The following RSRC1 variants were observed in gnomAD, a reference collection of about 807,000 sequenced individuals.
RSRC1 encodes the protein serine/Arginine-related protein 53.
RSRC1 carries 39 observed loss-of-function variants against 49.1 expected under a neutral mutation model. The ratio of observed to expected loss-of-function variants is 0.79; its 90% confidence interval spans 0.61 to 1.04. The LOEUF (loss-of-function observed/expected upper bound fraction) is 1.04, where lower values mean the gene tolerates loss of function less well. RSRC1 is among the 50% of genes least tolerant of loss of function. The pLI, the probability that RSRC1 is intolerant of heterozygous loss-of-function variation, is 0.00. For synonymous variants in RSRC1, 143 were observed against 130.8 expected (o/e 1.09, Z -0.63); for missense variants, 388 against 402.4 (o/e 0.96, Z 0.31).
intron 6 of RSRC1, among the ~76,000 whole-genome samples, chr3:158,395,083 G>T (rs1733534372): frequency 6.6e-6 from 1 of 152,084 alleles, no homozygotes; most frequent in Non-Finnish European, 1.5e-5. Context: ...AATGGGGAAA[G>T]GACTCCCTGT....
At chr3:158,184,186 G>T (rs1292376608) in intron 3 of RSRC1, among the ~76,000 whole-genome samples, 1 of 151,692 alleles carries the variant, frequency 6.6e-6, no homozygotes, top group East Asian at 1.9e-4. Flanking sequence ...TTCATTACTA[G>T]GTTGCCTTTG....
At chr3:158,268,882 T>C (rs927318296) in intron 4 of RSRC1, among the ~76,000 whole-genome samples, 3 of 152,200 alleles carry the variant, frequency 2.0e-5, no homozygotes, top group Non-Finnish European at 4.4e-5. Flanking sequence ...TTGAACACTT[T>C]TGTTAATCAT....
At chr3:158,383,131 G>A (rs1037491997) in intron 6 of RSRC1, among the ~76,000 whole-genome samples, 61 of 152,134 alleles carry the variant, frequency 4.0e-4, no homozygotes, top group Non-Finnish European at 7.4e-4. Context: ...AAAACTGCAG[G>A]AGTCTAGTGA....
intron 4 of RSRC1, chr3:158,275,757 A>C (rs1337676832): frequency 2.2e-6 from 1 of 456,954 alleles, no homozygotes; most frequent in Non-Finnish European, 3.5e-6. Flanking sequence ...GTAAGCAGAC[A>C]TGACTGCCCT....
chr3:158,353,901 A>G (rs1420518904), intron 5 of RSRC1, among the ~76,000 whole-genome samples: 2 of 152,040 alleles, frequency 1.3e-5, no homozygotes, highest in African/African-American at 2.4e-5. Context: ...TAGTCTTGAC[A>G]TAATTCATGA....
intron 7 of RSRC1, among the ~76,000 whole-genome samples, chr3:158,531,711 C>G (rs1712412067): frequency 6.6e-6 from 1 of 151,730 alleles, no homozygotes; most frequent in African/African-American, 2.4e-5. Context: ...CTCGAACAAC[C>G]TCAAAATGTT....
At chr3:158,298,100 A>T (rs1311684416) in intron 5 of RSRC1, 25 bp downstream of exon 5, 1 of 1,554,136 alleles carries the variant, frequency 6.4e-7, no homozygotes, top group Non-Finnish European at 8.9e-7. Context: ...TCTCTTGAAC[A>T]TTTGCATCAT....
At chr3:158,294,752 A>G (rs1054091476) in intron 4 of RSRC1, among the ~76,000 whole-genome samples, 1 of 152,194 alleles carries the variant, frequency 6.6e-6, no homozygotes, top group Non-Finnish European at 1.5e-5. Context: ...ACACATGTTC[A>G]TGCACATACA....
At chr3:158,426,475 C>T (rs9877909) in intron 6 of RSRC1, among the ~76,000 whole-genome samples, 91,947 of 151,192 alleles carry the variant, frequency 0.61, 28,850 homozygotes, top group African/African-American at 0.75. Flanking sequence ...CTTTGGGAAC[C>T]GCATGTATTT....
chr3:158,255,571 C>G (rs377091930), intron 4 of RSRC1, among the ~76,000 whole-genome samples: 6 of 152,240 alleles, frequency 3.9e-5, no homozygotes, highest in Admixed American at 1.3e-4. Flanking sequence ...TCCATATGGA[C>G]TTAAAGGTAG....
At chr3:158,284,508 A>G (rs1242679331) in intron 4 of RSRC1, among the ~76,000 whole-genome samples, 6 of 146,854 alleles carry the variant, frequency 4.1e-5, no homozygotes, top group Non-Finnish European at 4.5e-5. Context: ...CAGTCCCACC[A>G]ACAGTGTAAA....
At chr3:158,175,010 A>G (rs1253925397) in intron 3 of RSRC1, among the ~76,000 whole-genome samples, 1 of 152,040 alleles carries the variant, frequency 6.6e-6, no homozygotes, top group Non-Finnish European at 1.5e-5. Flanking sequence ...GGCTTTAGCT[A>G]TTCTGGTGGG....
At position 158,537,175 on chromosome 3, in the gene RSRC1, A is replaced by G. The variant is rs147744349; in HGVS notation, c.736A>G (p.Arg246Gly). Residue 246 changes from arginine to glycine, a missense_variant, in exon 8 of 10, where the codon AGA becomes GGA. Coordinates refer to ENST00000611884, the MANE Select transcript of RSRC1 (RefSeq NM_001271838.2). ...TGATTCTTTTGTTCAGCAGACATTC[A>G]GATCAAGTAAAGAAGTCAAAAAGGT... is the stretch of plus-strand genomic sequence containing the variant. ...ESDSFVQQTF[R>G]SSKEVKKSVE... The G allele has an allele frequency of 6.9e-6, 11 of 1,593,530 alleles. No individual in the cohort carries two copies. Among genetic ancestry groups the G allele is most frequent in the South Asian group, 1.1e-5 (1 of 87,758 alleles).
chr3:158,433,609 T>G (rs1257079028), intron 6 of RSRC1, among the ~76,000 whole-genome samples: 1 of 151,968 alleles, frequency 6.6e-6, no homozygotes, highest in Non-Finnish European at 1.5e-5. Flanking sequence ...TATTACTTAG[T>G]AGTAGCTAAA....
intron 5 of RSRC1, among the ~76,000 whole-genome samples, chr3:158,300,999 C>T (rs930724660): frequency 6.6e-6 from 1 of 152,000 alleles, no homozygotes; most frequent in African/African-American, 2.4e-5. Context: ...TGGACTCTTC[C>T]CCTGGAACCT....
intron 4 of RSRC1, among the ~76,000 whole-genome samples, chr3:158,231,347 G>A (rs1722939314): frequency 6.6e-6 from 1 of 151,644 alleles, no homozygotes; most frequent in African/African-American, 2.4e-5. Context: ...TGTTGCCAAG[G>A]CTGGTCTCAA....
At chr3:158,538,536 C>A (rs1712850271) in intron 8 of RSRC1, among the ~76,000 whole-genome samples, 1 of 151,850 alleles carries the variant, frequency 6.6e-6, no homozygotes, top group Admixed American at 6.6e-5. Context: ...CCTGACATCC[C>A]AGTTTTTATT....
intron 7 of RSRC1, among the ~76,000 whole-genome samples, chr3:158,520,249 A>C (rs1393806515): frequency 2.0e-5 from 3 of 152,162 alleles, no homozygotes; most frequent in Non-Finnish European, 4.4e-5. Flanking sequence ...CTTTTGGACA[A>C]GATCAGGTTT....
intron 4 of RSRC1, among the ~76,000 whole-genome samples, chr3:158,288,151 A>C (rs1047392167): frequency 7.2e-5 from 11 of 152,186 alleles, no homozygotes; most frequent in Non-Finnish European, 1.2e-4. Flanking sequence ...TTCTCTGGGC[A>C]GGGTACTCTC....
Sources: allele counts gnomAD v4.1 joint callset (sites outside exome capture counted in the v4.1 genomes callset), GRCh38; gene constraint gnomAD v4.1.1; transcripts MANE v1.5; gene names NCBI Gene and HGNC (gene_info 2026-07-23, HGNC 2026-07-21).